Variants in COL5A1 observed in about 807,000 individuals in gnomAD.
COL5A1 encodes collagen type V alpha 1 chain, also known as collagen alpha-1(V) chain.
In COL5A1, 16 loss-of-function variants were observed where a neutral mutation model predicts 263.7. The observed-to-expected ratio is 0.06, with a 90% CI of 0.04 to 0.09. COL5A1 has a LOEUF of 0.09. COL5A1 is among the 10% of genes least tolerant of loss of function. The pLI is 1.00. For synonymous variants in COL5A1, 1,012 were observed against 1,004.5 expected, an observed-to-expected ratio of 1.01 and a Z score of -0.14; for missense variants, 2,036 against 2,540.5, an observed-to-expected ratio of 0.80 and a Z score of 4.27.
chr9:134,736,361 G>T (rs888065826), intron 9 of COL5A1, among the ~76,000 whole-genome samples: 4 of 152,232 alleles, frequency 2.6e-5, no homozygotes, highest in African/African-American at 4.8e-5. Context: ...ATAGCGGAAG[G>T]CATCGCATGG....
chr9:134,719,610 C>A (rs1375123446), intron 4 of COL5A1, among the ~76,000 whole-genome samples: 1 of 152,192 alleles, frequency 6.6e-6, no homozygotes, highest in Non-Finnish European at 1.5e-5. Context: ...GCAAGGGAGA[C>A]CCAGCACTTC....
intron 1 of COL5A1, among the ~76,000 whole-genome samples, chr9:134,656,398 G>A (rs937273245): frequency 2.0e-4 from 30 of 152,178 alleles, no homozygotes; most frequent in Non-Finnish European, 3.4e-4. Context: ...CAGGGACACC[G>A]GGAGCTTCGG....
intron 4 of COL5A1, among the ~76,000 whole-genome samples, chr9:134,712,280 T>C (rs545253170): frequency 5.1e-4 from 15 of 29,240 alleles, no homozygotes; most frequent in African/African-American, 3.1e-3. Flanking sequence ...ACTCTCTTCT[T>C]CCTGTTCCCC....
intron 30 of COL5A1, 52 bp from the exon 31 acceptor site, chr9:134,785,943 A>G: frequency 6.5e-7 from 1 of 1,529,712 alleles, no homozygotes; most frequent in Non-Finnish European, 9.0e-7. Context: ...CTCCGGGGAA[A>G]CGGATGGAGC....
At chr9:134,731,251 C>T (rs951366024) in intron 7 of COL5A1, among the ~76,000 whole-genome samples, 6 of 152,166 alleles carry the variant, frequency 3.9e-5, no homozygotes, top group Non-Finnish European at 5.9e-5. Context: ...AGCGGGTGCA[C>T]GGGTGTGCCA....
intron 62 of COL5A1, among the ~76,000 whole-genome samples, 195 bp downstream of exon 62, chr9:134,825,050 C>CG (rs951640331): frequency 6.6e-6 from 1 of 152,198 alleles, no homozygotes; most frequent in Non-Finnish European, 1.5e-5. Flanking sequence ...AGGGTGAGGC[C>CG]GGGTGCAGAG....
chr9:134,650,815 C>T (rs534790787), intron 1 of COL5A1, among the ~76,000 whole-genome samples: 60 of 152,390 alleles, frequency 3.9e-4, no homozygotes, highest in African/African-American at 1.4e-3. Flanking sequence ...TGAGGGTGCT[C>T]CCGTCAGCAC....
chr9:134,721,178 G>A (rs1834438736), intron 4 of COL5A1, among the ~76,000 whole-genome samples: 1 of 152,006 alleles, frequency 6.6e-6, no homozygotes. Context: ...CTTCAGTGTG[G>A]CCCTCACTGT....
chr9:134,813,973 G>A lies in COL5A1; in HGVS notation c.3853-10G>A. On this transcript the variant is annotated splice_polypyrimidine_tract_variant and intron_variant, in intron 48 of 65. Transcript: ENST00000371817. ...CACCGCTGCCATAACCACATGCACT[G>A]TCTCCCTAGGGCGAGCCTGGCGAAG... is the stretch of plus-strand genomic sequence containing the variant. 1 of 1,550,962 alleles carries A rather than the reference G, an allele frequency of 6.4e-7. No homozygotes were observed. Among genetic ancestry groups the A allele is most frequent in the Non-Finnish European group, 8.7e-7 (1 of 1,147,062 alleles).
chr9:134,738,340 C>T (rs1341464773), intron 9 of COL5A1, 134 bp from the exon 10 acceptor site: 17 of 952,796 alleles, frequency 1.8e-5, no homozygotes, highest in African/African-American at 4.9e-5. Flanking sequence ...AGTCTGTGCT[C>T]GTGACTCCCC....
intron 16 of COL5A1, among the ~76,000 whole-genome samples, chr9:134,756,030 G>A (rs1835959078): frequency 6.6e-6 from 1 of 152,132 alleles, no homozygotes; most frequent in Non-Finnish European, 1.5e-5. Flanking sequence ...TGGCTGGGGT[G>A]CCTCATTGGC....
intron 4 of COL5A1, among the ~76,000 whole-genome samples, chr9:134,707,849 A>C (rs9409916): frequency 0.38 from 57,614 of 152,160 alleles, 12,017 homozygotes; most frequent in Admixed American, 0.56. Flanking sequence ...GGGAAGCCCC[A>C]GGGGAGGGAA....
chr9:134,697,719 G>A (rs1451084875), intron 2 of COL5A1, among the ~76,000 whole-genome samples: 1 of 152,114 alleles, frequency 6.6e-6, no homozygotes, highest in African/African-American at 2.4e-5. Context: ...CCTACGGTGG[G>A]TGGGCATGGC....
chr9:134,677,207 A>G lies in COL5A1; in HGVS notation c.110-13705A>G, dbSNP rs1248837821. 6.6e-6 allele frequency among the ~76,000 whole-genome samples: 1 copy of G among 152,014 alleles called. No homozygotes were observed. The highest frequency in any genetic ancestry group is 1.5e-5 in the Non-Finnish European group (1 of 67,998). On this transcript the variant is annotated intron_variant, in intron 1 of 65. Coordinates refer to ENST00000371817, the MANE Select transcript of COL5A1 (RefSeq NM_000093.5). The surrounding 1 kb of genome is among the most constrained non-coding windows in gnomAD (Gnocchi z 4.4). ...CTGGATGCTACCTTGAATATTCAGA[A>G]TAACTTACTTGAGAGTGGGAAGCCT...
intron 49 of COL5A1, among the ~76,000 whole-genome samples, chr9:134,814,246 G>C (rs1473004386): frequency 6.6e-6 from 1 of 152,204 alleles, no homozygotes; most frequent in Non-Finnish European, 1.5e-5. Context: ...ATAGCTACCT[G>C]TGCCCAGTGG....
intron 49 of COL5A1, among the ~76,000 whole-genome samples, chr9:134,814,541 T>C (rs565338424): frequency 6.6e-6 from 1 of 152,216 alleles, no homozygotes; most frequent in East Asian, 1.9e-4. Context: ...CAGGAGTCAG[T>C]CCCTCCCACC....
intron 48 of COL5A1, among the ~76,000 whole-genome samples, chr9:134,813,531 G>T (rs1441135230): frequency 6.6e-6 from 1 of 152,198 alleles, no homozygotes; most frequent in Non-Finnish European, 1.5e-5. Context: ...GTTTTCCTTG[G>T]TGTCCCCGCT....
At chr9:134,745,559 C>A (rs553253288) in intron 11 of COL5A1, among the ~76,000 whole-genome samples, 1 of 152,108 alleles carries the variant, frequency 6.6e-6, no homozygotes. Context: ...TTGAGGGGTG[C>A]GGTCTGAGGC....
chr9:134,826,593 TGG>T (rs1335277748), intron 63 of COL5A1, among the ~76,000 whole-genome samples: 1 of 147,070 alleles, frequency 6.8e-6, no homozygotes, highest in East Asian at 2.0e-4. Flanking sequence ...GTTTTGTAGT[TGG>T]GGTGTATGTG....
Sources: gnomAD v4.1 joint callset for allele counts (sites outside exome capture counted in the v4.1 genomes callset) on GRCh38, gnomAD v4.1.1 for gene constraint, Gnocchi (gnomAD v3.1) non-coding constraint, MANE v1.5 for transcripts, NCBI Gene and HGNC (gene_info 2026-07-23, HGNC 2026-07-21) for gene names.